Variants in LRRTM4 observed in about 807,000 individuals in gnomAD.
The protein encoded by LRRTM4 is leucine-rich repeat transmembrane neuronal protein 4.
A neutral mutation model predicts 47.6 loss-of-function variants in LRRTM4; 25 were observed. The observed-to-expected ratio is 0.53, with a 90% CI of 0.38 to 0.73. LRRTM4 has a LOEUF of 0.73. Among genes scored for constraint, LRRTM4 ranks in the 30% least tolerant of loss-of-function variants. The probability of loss-of-function intolerance (pLI) is 0.00; values close to 1 mark genes in which losing one functional copy is unlikely to be tolerated. For missense variants in LRRTM4, 638 were observed against 713.4 expected (o/e 0.89, Z 1.20); for synonymous variants, 311 against 269.5 (o/e 1.15, Z -1.51).
At chr2:77,351,550 T>G (rs925449205) in intron 3 of LRRTM4, among the ~76,000 whole-genome samples, 1 of 150,400 alleles carries the variant, frequency 6.6e-6, no homozygotes, top group African/African-American at 2.4e-5. Flanking sequence ...AACATTTCCA[T>G]GAGATATTTT....
chr2:77,369,118 C>T (rs1423013599), intron 3 of LRRTM4, among the ~76,000 whole-genome samples: 1 of 151,592 alleles, frequency 6.6e-6, no homozygotes, highest in Non-Finnish European at 1.5e-5. Context: ...TTTTATGTAC[C>T]TGTTGGCCAT....
chr2:76,872,089 C>A (rs1324057826), intron 3 of LRRTM4, among the ~76,000 whole-genome samples: 1 of 152,134 alleles, frequency 6.6e-6, no homozygotes, highest in Non-Finnish European at 1.5e-5. Flanking sequence ...CTATTTTAAG[C>A]TGCTAAATTT....
At chr2:77,360,048 A>G (rs1672123769) in intron 3 of LRRTM4, among the ~76,000 whole-genome samples, 1 of 152,198 alleles carries the variant, frequency 6.6e-6, no homozygotes, top group South Asian at 2.1e-4. Context: ...GAGCAAGAGA[A>G]ATCTTATGTT....
intron 3 of LRRTM4, among the ~76,000 whole-genome samples, chr2:76,817,807 C>T (rs780055407): frequency 1.1e-4 from 16 of 151,986 alleles, no homozygotes; most frequent in Admixed American, 2.6e-4. Context: ...TTTGCGTTAA[C>T]GAATCTGGGC....
intron 3 of LRRTM4, among the ~76,000 whole-genome samples, chr2:76,761,481 CAT>C (rs1673252993): frequency 6.6e-6 from 1 of 152,170 alleles, no homozygotes; most frequent in Non-Finnish European, 1.5e-5. Flanking sequence ...TCATTATACA[CAT>C]GTTTTCTAAA....
At chr2:77,373,392 C>T (rs369051663) in intron 3 of LRRTM4, among the ~76,000 whole-genome samples, 9 of 151,432 alleles carry the variant, frequency 5.9e-5, no homozygotes, top group African/African-American at 1.7e-4. Context: ...CTTAAATTGC[C>T]GTTTGCCTCC....
intron 3 of LRRTM4, among the ~76,000 whole-genome samples, chr2:77,186,322 T>C (rs1673504817): frequency 1.3e-5 from 2 of 152,164 alleles, no homozygotes; most frequent in Non-Finnish European, 2.9e-5. Flanking sequence ...CCTCTCTCAT[T>C]AACAAATATA....
intron 3 of LRRTM4, among the ~76,000 whole-genome samples, chr2:76,974,147 T>TATAC (rs1158912459): frequency 6.8e-5 from 9 of 131,614 alleles, no homozygotes; most frequent in South Asian, 2.3e-4. Flanking sequence ...TATACATATA[T>TATAC]ATACATACAT....
intron 3 of LRRTM4, among the ~76,000 whole-genome samples, chr2:76,837,781 T>C (rs1460624713): frequency 1.3e-5 from 2 of 152,116 alleles, no homozygotes; most frequent in African/African-American, 2.4e-5. Flanking sequence ...TTCATGTCCT[T>C]TGTAGGGACA....
intron 3 of LRRTM4, among the ~76,000 whole-genome samples, chr2:76,995,821 T>A (rs1011892583): frequency 6.6e-6 from 1 of 151,996 alleles, no homozygotes; most frequent in South Asian, 2.1e-4. Context: ...TGGGTGAACA[T>A]GGGAAATACA....
chr2:77,207,491 A>C (rs1339635491), intron 3 of LRRTM4, among the ~76,000 whole-genome samples: 1 of 151,700 alleles, frequency 6.6e-6, no homozygotes, highest in Non-Finnish European at 1.5e-5. Flanking sequence ...GCATGTCATC[A>C]GAGTGAGCTT....
chr2:76,944,956 T>C (rs1675274889), intron 3 of LRRTM4, among the ~76,000 whole-genome samples: 1 of 152,060 alleles, frequency 6.6e-6, no homozygotes, highest in Non-Finnish European at 1.5e-5. Context: ...TGGGAAGTTT[T>C]TACGAGTCCA....
intron 3 of LRRTM4, among the ~76,000 whole-genome samples, chr2:77,437,953 A>T (rs924034015): frequency 1.3e-5 from 2 of 152,150 alleles, no homozygotes; most frequent in African/African-American, 2.4e-5. Flanking sequence ...CTATCACAAG[A>T]TTATTATCAA....
intron 3 of LRRTM4, among the ~76,000 whole-genome samples, chr2:77,243,422 AAAT>A (rs1675329465): frequency 2.0e-5 from 1 of 50,742 alleles, no homozygotes; most frequent in African/African-American, 5.9e-5. Flanking sequence ...AAATAAAAAA[AAAT>A]AAAAAAAATA....
intron 3 of LRRTM4, among the ~76,000 whole-genome samples, chr2:77,407,137 T>A (rs1022873635): frequency 6.6e-6 from 1 of 152,180 alleles, no homozygotes; most frequent in Admixed American, 6.5e-5. Context: ...AAAGAATTGG[T>A]ATCTGCCCAT....
chr2:77,441,106 T>C (rs1346069923), intron 3 of LRRTM4, among the ~76,000 whole-genome samples: 1 of 152,226 alleles, frequency 6.6e-6, no homozygotes, highest in Non-Finnish European at 1.5e-5. Context: ...CAAAGTCTGT[T>C]TAGTGCCTAA....
intron 3 of LRRTM4, among the ~76,000 whole-genome samples, chr2:77,498,901 G>A (rs1446246350): frequency 1.3e-5 from 2 of 151,830 alleles, no homozygotes; most frequent in South Asian, 2.1e-4. Flanking sequence ...TCTCAATTTA[G>A]AAGTTTGTGT....
chr2:76,899,821 A>G (rs1673560522), intron 3 of LRRTM4, among the ~76,000 whole-genome samples: 1 of 152,232 alleles, frequency 6.6e-6, no homozygotes. Flanking sequence ...AGTTAGATCT[A>G]TGAGAGCTAG....
At chr2:76,883,234 C>T (rs528281904) in intron 3 of LRRTM4, among the ~76,000 whole-genome samples, 3 of 152,304 alleles carry the variant, frequency 2.0e-5, no homozygotes, top group Admixed American at 2.0e-4. Flanking sequence ...ACAAGCCAGC[C>T]TACTTGTATT....
Sources: allele counts gnomAD v4.1 joint callset (sites outside exome capture counted in the v4.1 genomes callset), GRCh38; gene constraint gnomAD v4.1.1; transcripts MANE v1.5; gene names NCBI Gene and HGNC (gene_info 2026-07-23, HGNC 2026-07-21).